The following UBXN7 variants were observed in gnomAD, a reference collection of about 807,000 sequenced individuals.
The protein encoded by UBXN7 is UBX domain-containing protein 7.
Under a neutral mutation model 58.0 loss-of-function variants are expected in UBXN7, and 9 were observed. That is an observed-to-expected ratio of 0.16 (90% CI 0.09 to 0.27). The LOEUF (loss-of-function observed/expected upper bound fraction) is 0.27. Ranked by LOEUF, UBXN7 falls within the 10% of genes least tolerant of loss-of-function variation. UBXN7 has a pLI of 1.00. For missense variants in UBXN7, 328 were observed against 599.6 expected, an observed-to-expected ratio of 0.55 and a Z score of 4.73; for synonymous variants, 208 against 205.0, an observed-to-expected ratio of 1.01 and a Z score of -0.12.
chr3:196,358,166 A>G (rs1216949312), intron 10 of UBXN7, among the ~76,000 whole-genome samples: 1 of 152,242 alleles, frequency 6.6e-6, no homozygotes, highest in Non-Finnish European at 1.5e-5. Context: ...AACAAAAGCC[A>G]CCAGTATGCA....
chr3:196,362,238 C>T, intron 9 of UBXN7, 56 bp downstream of exon 9: 1 of 1,533,740 alleles, frequency 6.5e-7, no homozygotes, highest in Non-Finnish European at 8.8e-7. Context: ...CAGTGATCCA[C>T]CACGCCCGGC....
At chr3:196,372,314 C>CTG (rs1728863436) in intron 5 of UBXN7, among the ~76,000 whole-genome samples, 2 of 149,982 alleles carry the variant, frequency 1.3e-5, no homozygotes, top group South Asian at 4.3e-4. Context: ...CTCTCTCTCT[C>CTG]TCTCTCTCTC....
chr3:196,385,537 C>T (rs1729352730), intron 5 of UBXN7, among the ~76,000 whole-genome samples: 2 of 151,908 alleles, frequency 1.3e-5, no homozygotes, highest in African/African-American at 2.4e-5. Flanking sequence ...TCTGCCCCGC[C>T]ACCCCATCTG....
chr3:196,432,147 G>T (rs772133578), intron 1 of UBXN7, 180 bp downstream of exon 1: 4 of 799,924 alleles, frequency 5.0e-6, no homozygotes, highest in East Asian at 2.7e-5. Context: ...AGCGGGGGGG[G>T]GCTGTCTCCC....
At chr3:196,403,713 T>C (rs543666080) in intron 2 of UBXN7, among the ~76,000 whole-genome samples, 1 of 152,234 alleles carries the variant, frequency 6.6e-6, no homozygotes, top group African/African-American at 2.4e-5. Flanking sequence ...CACAAGGACA[T>C]ATTAAAATAA....
At chr3:196,424,984 G>A (rs996421132) in intron 1 of UBXN7, among the ~76,000 whole-genome samples, 2 of 152,088 alleles carry the variant, frequency 1.3e-5, no homozygotes, top group Non-Finnish European at 2.9e-5. Flanking sequence ...TTCCAGGTGT[G>A]AACCACCGCA....
At chr3:196,398,678 G>T (rs1018962594) in intron 3 of UBXN7, among the ~76,000 whole-genome samples, 1 of 152,154 alleles carries the variant, frequency 6.6e-6, no homozygotes, top group Non-Finnish European at 1.5e-5. Context: ...GTCATCAGTA[G>T]GCTGAAGTGC....
chr3:196,408,097 C>CAAAAAAAA (rs71621241), intron 1 of UBXN7, among the ~76,000 whole-genome samples: 2 of 45,230 alleles, frequency 4.4e-5, no homozygotes, highest in African/African-American at 9.2e-5. Flanking sequence ...GACTCTGTCT[C>CAAAAAAAA]AAAAAAAAAA....
At position 196,380,508 on chromosome 3, in the gene UBXN7, G is replaced by A. The variant is rs115268915; in HGVS notation, c.469-8466C>T. On this transcript the variant is annotated intron_variant, in intron 5 of 10. Transcript: ENST00000296328. ...AGCTACTGTTTGTTTGTGGTGGGGTGTTCCAAGATGGCCAAATAGGAGCAG... is the reference window on the plus strand; with the variant it reads ...AGCTACTGTTTGTTTGTGGTGGGGTATTCCAAGATGGCCAAATAGGAGCAG... Among the ~76,000 whole-genome samples the A allele has an allele frequency of 9.0e-3, 1,370 of 152,272 alleles. 15 individuals are homozygous for A. The highest frequency in any genetic ancestry group is 0.03 in the African/African-American group (1,255 of 41,550).
At chr3:196,399,814 A>G (rs1327685273) in intron 3 of UBXN7, 2 of 152,196 alleles carry the variant, frequency 1.3e-5, no homozygotes, top group Non-Finnish European at 2.9e-5. Flanking sequence ...ATACAGCCTG[A>G]AGCCACCACA....
rs1728157416 is a variant in UBXN7, at chr3:196,349,255, A to AT, written c.*7429dup. 6.6e-6 allele frequency: 1 copy of AT among 152,150 alleles called. No individual in the cohort carries two copies. The highest frequency in any genetic ancestry group is 2.4e-5 in the African/African-American group (1 of 41,450). 9.4% of individuals were successfully genotyped at this position (152,150 alleles called of 1,614,324 possible). On this transcript the variant is annotated 3_prime_UTR_variant, in exon 11 of 11. Coordinates refer to ENST00000296328, the MANE Select transcript of UBXN7 (RefSeq NM_015562.2). ...AAAGTAACAAGGCCCAAGACCCCACATGGGTCAGATAAGCAGCCCCTACTA... is the reference window on the plus strand; with the variant it reads ...AAAGTAACAAGGCCCAAGACCCCACATTGGGTCAGATAAGCAGCCCCTACTA...
chr3:196,348,867 C>G lies in UBXN7; in HGVS notation c.*7818G>C, dbSNP rs1387173476. 3 of 152,138 alleles carry G rather than the reference C, an allele frequency of 2.0e-5. No individual in the cohort carries two copies. The highest frequency in any genetic ancestry group is 4.4e-5 in the Non-Finnish European group (3 of 68,052). The allele number at this position is 152,138 out of a possible 1,614,324, so 9.4% of individuals were successfully genotyped here. A position where few individuals can be genotyped will look rare whatever the true frequency, so the allele number is the denominator to read the frequency against. ...ATGCACAGAGCCTGCACAGACACTG[C>G]TGAGAGTTTCCAGGGAACAATCAAT... On this transcript the variant is annotated 3_prime_UTR_variant, in exon 11 of 11. Coordinates refer to ENST00000296328, the MANE Select transcript of UBXN7 (RefSeq NM_015562.2).
rs371831530 is a variant in UBXN7 at position 196,396,519 on chromosome 3, T to C, written c.290-2900A>G. Reference sequence around the variant, plus strand: ...AGCTCACGCCTGTAATCCCAGCACTTTGGGAGACCGAGGTGGGTGGATCAC... The same window carrying C: ...AGCTCACGCCTGTAATCCCAGCACTCTGGGAGACCGAGGTGGGTGGATCAC... On this transcript the variant is annotated intron_variant, in intron 3 of 10. Coordinates refer to ENST00000296328, the MANE Select transcript of UBXN7 (RefSeq NM_015562.2). 6.6e-5 allele frequency among the ~76,000 whole-genome samples: 10 copies of C among 152,244 alleles called. No individual in the cohort carries two copies. In the South Asian group the frequency reaches 2.1e-3, roughly 32 times the overall value.
chr3:196,405,301 G>A (rs1009474087), intron 2 of UBXN7, among the ~76,000 whole-genome samples: 2 of 151,506 alleles, frequency 1.3e-5, no homozygotes, highest in African/African-American at 2.4e-5. Flanking sequence ...GCAACCCCAT[G>A]TCTACTAAAA....
At chr3:196,375,305 T>C (rs969873512) in intron 5 of UBXN7, among the ~76,000 whole-genome samples, 2 of 151,836 alleles carry the variant, frequency 1.3e-5, no homozygotes, top group African/African-American at 4.8e-5. Context: ...ATATCCAATC[T>C]TCATGTTATA....
chr3:196,360,288 T>G lies in UBXN7; in HGVS notation c.1308+1556A>C, dbSNP rs116441281. The stretch of plus-strand genomic sequence containing the variant: ...TTAAGTTTGACAAAACAGCCTTCTA[T>G]TGGAAGAAGATGCCATCAAGGACTT... On this transcript the variant is annotated intron_variant, in intron 10 of 10. Coordinates refer to ENST00000296328, the MANE Select transcript of UBXN7 (RefSeq NM_015562.2). Among the ~76,000 whole-genome samples the G allele has an allele frequency of 5.1e-3, 772 of 152,326 alleles. 7 individuals carry two copies. The highest frequency in any genetic ancestry group is 0.018 in the African/African-American group (752 of 41,576).
intron 6 of UBXN7, among the ~76,000 whole-genome samples, chr3:196,370,210 G>C (rs548086708): frequency 6.6e-6 from 1 of 151,434 alleles, no homozygotes; most frequent in East Asian, 1.9e-4. Context: ...GGCAGAGGCA[G>C]AGGACAGCTT....
chr3:196,361,230 G>C (rs1038664360), intron 10 of UBXN7, among the ~76,000 whole-genome samples: 2 of 152,118 alleles, frequency 1.3e-5, no homozygotes, highest in African/African-American at 4.8e-5. Context: ...AGTGGAGGAT[G>C]GCGATATGAC....
At chr3:196,424,027 T>A (rs911889501) in intron 1 of UBXN7, among the ~76,000 whole-genome samples, 83 of 151,738 alleles carry the variant, frequency 5.5e-4, no homozygotes, top group Non-Finnish European at 2.6e-4. Context: ...GTAGCTGGGA[T>A]TACAGGTGCC....
Sources: gnomAD v4.1 joint callset for allele counts (sites outside exome capture counted in the v4.1 genomes callset) on GRCh38, gnomAD v4.1.1 for gene constraint, MANE v1.5 for transcripts, NCBI Gene and HGNC (gene_info 2026-07-23, HGNC 2026-07-21) for gene names.